Variants in KIF20B observed in about 807,000 individuals in gnomAD.
KIF20B encodes kinesin-like protein KIF20B.
A neutral mutation model predicts 232.5 loss-of-function variants in KIF20B; 188 were observed. The ratio of observed to expected loss-of-function variants is 0.81; its 90% confidence interval spans 0.72 to 0.91. The LOEUF (loss-of-function observed/expected upper bound fraction) is 0.91. KIF20B is among the 40% of genes least tolerant of loss of function. The pLI, the probability that KIF20B is intolerant of heterozygous loss-of-function variation, is 0.00. For synonymous variants in KIF20B, 712 were observed against 683.0 expected (o/e 1.04, Z -0.66); for missense variants, 2,154 against 2,055.9 (o/e 1.05, Z -0.92).
chr10:89,720,880 T>C (rs1466301031), intron 13 of KIF20B, among the ~76,000 whole-genome samples: 1 of 152,094 alleles, frequency 6.6e-6, no homozygotes, highest in Non-Finnish European at 1.5e-5. Context: ...TAAGTTTTTT[T>C]TGTATCTTTA....
chr10:89,702,687 C>T (rs1842636146), intron 1 of KIF20B, among the ~76,000 whole-genome samples: 1 of 150,910 alleles, frequency 6.6e-6, no homozygotes, highest in Non-Finnish European at 1.5e-5. Context: ...TCAGAGCAGC[C>T]TTTTGAAATG....
intron 6 of KIF20B, among the ~76,000 whole-genome samples, chr10:89,713,680 TAAG>T (rs1197701050): frequency 1.3e-5 from 2 of 152,164 alleles, no homozygotes; most frequent in African/African-American, 4.8e-5. Flanking sequence ...TGTTTAATAA[TAAG>T]GGAATAATTA....
chr10:89,725,016 G>A lies in KIF20B; in HGVS notation c.1863-4G>A, dbSNP rs1449739350. 4 of 1,611,664 alleles carry A rather than the reference G, an allele frequency of 2.5e-6. No homozygotes were observed. The highest frequency in any genetic ancestry group is 3.4e-6 in the Non-Finnish European group (4 of 1,178,888). On this transcript the variant is annotated splice_polypyrimidine_tract_variant and splice_region_variant and intron_variant, in intron 14 of 32. Transcript: ENST00000371728. ...TCTTAATGGGATTAATTTGTATTTT[G>A]AAGGGAGACTCTGCTTCAAGAACGA...
Position 89,738,143 on chromosome 10 carries a change from G to A in KIF20B, c.3302G>A (p.Arg1101Lys), listed in dbSNP as rs780264882. 1 of 1,426,124 alleles carries A rather than the reference G, an allele frequency of 7.0e-7. No homozygotes were observed. Among genetic ancestry groups the A allele is most frequent in the South Asian group, 1.3e-5 (1 of 79,248 alleles). The allele number at this position is 1,426,124 out of a possible 1,614,324, so 88.3% of individuals were successfully genotyped here. A position where few individuals can be genotyped will look rare whatever the true frequency, so the allele number is the denominator to read the frequency against. The stretch of plus-strand genomic sequence containing the variant: ...AAAGGCTATAAGGATGAAAACAATA[G>A]ACTAAAGGAGAAGGAGCATAAAAAC... Reference protein sequence around the residue: ...EVKGYKDENNRLKEKEHKNQD... With the variant: ...EVKGYKDENNKLKEKEHKNQD... Residue 1101 changes from arginine to lysine, a missense_variant, in exon 20 of 33, where the codon AGA becomes AAA. Arg to Lys is a conservative substitution (Grantham distance 26). Transcript: ENST00000371728.
chr10:89,714,362 C>T (rs1012713101), intron 7 of KIF20B, among the ~76,000 whole-genome samples: 4 of 151,988 alleles, frequency 2.6e-5, no homozygotes, highest in Non-Finnish European at 5.9e-5. Flanking sequence ...GCCTGTAGTC[C>T]TAGCTACCTG....
At chr10:89,705,471 A>G (rs1589848661) in intron 2 of KIF20B, 30 bp downstream of exon 2, 2 of 1,601,342 alleles carry the variant, frequency 1.2e-6, no homozygotes, top group Non-Finnish European at 1.7e-6. Context: ...TGTGTTGATT[A>G]TCATGCCTCC....
chr10:89,713,392 C>A (rs1015786763), intron 6 of KIF20B, among the ~76,000 whole-genome samples: 38 of 150,258 alleles, frequency 2.5e-4, no homozygotes, highest in Non-Finnish European at 4.7e-4. Flanking sequence ...AACAAGTTAT[C>A]CAGTTAAAAC....
Position 89,754,668 on chromosome 10 carries a change from G to A in KIF20B, c.4498G>A (p.Glu1500Lys), listed in dbSNP as rs747725874. The A allele has an allele frequency of 2.4e-5, 38 of 1,556,054 alleles. No homozygotes were observed. Among genetic ancestry groups the A allele is most frequent in the African/African-American group, 6.9e-5 (5 of 72,530 alleles). ...DRERFFKQQN[E>K]MEILTAQLTE... ...GGAGCGTTTTTTTAAGCAACAGAAT[G>A]AAATGGTTAGTAACAATTGTATCTT... is the stretch of plus-strand genomic sequence containing the variant. Residue 1500 changes from glutamate (E) to lysine (K), a missense_variant, in exon 26 of 33, where the codon GAA becomes AAA. Glu to Lys is a moderately conservative substitution (Grantham distance 56). Transcript: ENST00000371728.
chr10:89,724,884 G>A, intron 14 of KIF20B, 136 bp from the exon 15 acceptor site: 1 of 768,112 alleles, frequency 1.3e-6, no homozygotes, highest in South Asian at 2.0e-5. Context: ...CAAATTGCTG[G>A]GATTACAGGC....
At chr10:89,721,346 A>G (rs1303708988) in intron 13 of KIF20B, among the ~76,000 whole-genome samples, 1 of 152,164 alleles carries the variant, frequency 6.6e-6, no homozygotes, top group Non-Finnish European at 1.5e-5. Context: ...AATGTATTAA[A>G]TAGTACCTCC....
intron 22 of KIF20B, among the ~76,000 whole-genome samples, 197 bp from the exon 23 acceptor site, chr10:89,745,702 T>G (rs984693568): frequency 1.3e-5 from 2 of 151,764 alleles, no homozygotes; most frequent in Non-Finnish European, 3.0e-5. Context: ...TCTCTACTTC[T>G]TCTTTCCCCT....
chr10:89,724,182 T>G, intron 14 of KIF20B, 79 bp downstream of exon 14: 1 of 1,293,288 alleles, frequency 7.7e-7, no homozygotes, highest in Non-Finnish European at 1.0e-6. Flanking sequence ...CTTAGTTTAC[T>G]TTTTATATTA....
rs1320050810 is a variant in KIF20B, at chr10:89,711,057, A to T, written c.587A>T (p.His196Leu). The change falls in exon 6 of 33, where the codon CAT becomes CTT. Residue 196 changes from histidine to leucine, a missense_variant. Transcript: ENST00000371728. ...RLYTKMNLKP[H>L]RSREYLRLSS... The stretch of plus-strand genomic sequence containing the variant: ...TATACAAAGATGAACCTTAAACCAC[A>T]TAGATCCAGAGAATACTTAAGGTTA... The T allele has an allele frequency of 6.2e-7, 1 of 1,608,216 alleles. No individual in the cohort carries two copies. Among genetic ancestry groups the T allele is most frequent in the African/African-American group, 1.3e-5 (1 of 74,858 alleles).
chr10:89,734,013 A>G (rs1435500855), intron 19 of KIF20B, among the ~76,000 whole-genome samples: 1 of 152,118 alleles, frequency 6.6e-6, no homozygotes, highest in Non-Finnish European at 1.5e-5. Context: ...TAGATGGGAC[A>G]GGGAGGTAAG....
At chr10:89,757,069 T>C (rs61870787) in intron 26 of KIF20B, among the ~76,000 whole-genome samples, 39,271 of 134,248 alleles carry the variant, frequency 0.29, 6,118 homozygotes, top group African/African-American at 0.4. Flanking sequence ...TATATATATA[T>C]ACACACATGA....
intron 21 of KIF20B, among the ~76,000 whole-genome samples, chr10:89,739,754 C>T (rs969548431): frequency 6.6e-6 from 1 of 151,532 alleles, no homozygotes; most frequent in Non-Finnish European, 1.5e-5. Flanking sequence ...GCTGTTTCTA[C>T]CACTATAAAA....
intron 9 of KIF20B, 134 bp from the exon 10 acceptor site, chr10:89,717,290 C>T (rs1169667241): frequency 3.4e-6 from 2 of 584,566 alleles, no homozygotes; most frequent in African/African-American, 3.7e-5. Context: ...AAATATTTAA[C>T]AGCTAATTGG....
chr10:89,710,379 G>A lies in KIF20B; in HGVS notation c.490+314G>A, dbSNP rs557304921. Among the ~76,000 whole-genome samples the A allele has an allele frequency of 1.2e-4, 18 of 151,902 alleles. No individual in the cohort carries two copies. The South Asian group carries it at 3.5e-3, about 30-fold the overall frequency. ...CAAGTAGCTGGGACTACAGGCGTGC[G>A]CCACCATGCCAAGCTAGTTTTTATA... On this transcript the variant is annotated intron_variant, in intron 5 of 32. Transcript: ENST00000371728.
At chr10:89,727,423 T>G (rs1326189690) in intron 16 of KIF20B, among the ~76,000 whole-genome samples, 1 of 152,180 alleles carries the variant, frequency 6.6e-6, no homozygotes, top group Non-Finnish European at 1.5e-5. Context: ...CTGAGGGCAT[T>G]TTATATACAT....
Sources: allele counts gnomAD v4.1 joint callset (sites outside exome capture counted in the v4.1 genomes callset), GRCh38; gene constraint gnomAD v4.1.1; transcripts MANE v1.5; gene names NCBI Gene and HGNC (gene_info 2026-07-23, HGNC 2026-07-21).